The following SLF2 variants were observed in gnomAD, a reference collection of about 807,000 sequenced individuals.
SLF2 encodes SMC5-SMC6 complex localization factor protein 2.
A neutral mutation model predicts 124.3 loss-of-function variants in SLF2; 68 were observed. That is an observed-to-expected ratio of 0.55 (90% CI 0.45 to 0.67). SLF2 has a LOEUF of 0.67. Among genes scored for constraint, SLF2 ranks in the 30% least tolerant of loss-of-function variants. The pLI is 0.00. For missense variants in SLF2, 1,246 were observed against 1,373.7 expected, an observed-to-expected ratio of 0.91 and a Z score of 1.47; for synonymous variants, 480 against 478.8, an observed-to-expected ratio of 1.00 and a Z score of -0.03.
At chr10:100,945,241 A>C (rs1850080855) in intron 12 of SLF2, 89 bp from the exon 13 acceptor site, 1 of 1,100,686 alleles carries the variant, frequency 9.1e-7, no homozygotes, top group African/African-American at 1.7e-5. Flanking sequence ...TCTTTTTTGC[A>C]TCTTTTGTCA....
At chr10:100,942,635 C>T (rs532723882) in intron 11 of SLF2, among the ~76,000 whole-genome samples, 1 of 152,336 alleles carries the variant, frequency 6.6e-6, no homozygotes, top group South Asian at 2.1e-4. Context: ...TCTCCTGCCT[C>T]AGCCTCCCGA....
intron 7 of SLF2, 133 bp downstream of exon 7, chr10:100,929,572 T>G: frequency 2.4e-6 from 2 of 822,610 alleles, no homozygotes; most frequent in Non-Finnish European, 3.6e-6. Flanking sequence ...GTAATGGGTT[T>G]GAAAGGCAAA....
intron 9 of SLF2, among the ~76,000 whole-genome samples, chr10:100,935,092 T>C (rs1160950894): frequency 6.6e-6 from 1 of 152,086 alleles, no homozygotes; most frequent in Non-Finnish European, 1.5e-5. Context: ...CCCAAAAAAT[T>C]GTCTTGTAAA....
chr10:100,918,250 C>T, intron 3 of SLF2, 134 bp from the exon 4 acceptor site: 1 of 480,674 alleles, frequency 2.1e-6, no homozygotes, highest in Non-Finnish European at 3.7e-6. Context: ...TTATTATAGA[C>T]ATTAGGATTT....
chr10:100,932,692 AGT>A (rs111530755), intron 9 of SLF2, among the ~76,000 whole-genome samples: 9,024 of 133,414 alleles, frequency 0.068, 298 homozygotes, highest in Non-Finnish European at 0.076. Flanking sequence ...ACAAACAATA[AGT>A]GTGTGTGTGT....
chr10:100,930,956 A>C lies in SLF2; in HGVS notation c.2334-20A>C. The C allele has an allele frequency of 6.3e-7, 1 of 1,596,654 alleles. No individual in the cohort carries two copies. Among genetic ancestry groups the C allele is most frequent in the South Asian group, 1.1e-5 (1 of 90,520 alleles). On this transcript the variant is annotated intron_variant, in intron 8 of 19. Transcript: ENST00000238961. ...TGCCATGAAGTTAATAGCCATGTTG[A>C]TTTTACTTTATTTTTTCAGATCGGG... is the stretch of plus-strand genomic sequence containing the variant.
In SLF2 at chr10:100,962,880, T is replaced by A. The variant is rs1252805381; in HGVS notation, c.*968T>A. 6.6e-6 allele frequency: 1 copy of A among 152,462 alleles called. No individual in the cohort carries two copies. Among genetic ancestry groups the A allele is most frequent in the Non-Finnish European group, 1.5e-5 (1 of 68,012 alleles). 9.4% of individuals were successfully genotyped at this position (152,462 alleles called of 1,614,324 possible). ...GTGTGTGTGTGTGTGCGCTTGTATC[T>A]TGAAGTTGTTGCACTTCAAAACCAC... On this transcript the variant is annotated 3_prime_UTR_variant, in exon 20 of 20. Transcript: ENST00000238961.
At chr10:100,925,078 ACT>A in intron 5 of SLF2, 106 bp downstream of exon 5, 7 of 1,153,382 alleles carry the variant, frequency 6.1e-6, no homozygotes, top group Non-Finnish European at 8.4e-6. Flanking sequence ...ATTTATTATA[ACT>A]CATATTTGTA....
chr10:100,939,820 T>G (rs1358403265), intron 11 of SLF2, among the ~76,000 whole-genome samples: 1 of 151,888 alleles, frequency 6.6e-6, no homozygotes, highest in East Asian at 1.9e-4. Context: ...GTAAAGGAAA[T>G]AAAAGAGGAA....
intron 11 of SLF2, among the ~76,000 whole-genome samples, chr10:100,939,609 C>T (rs1397967076): frequency 1.3e-5 from 2 of 148,750 alleles, no homozygotes; most frequent in African/African-American, 5.0e-5. Flanking sequence ...ACCCGGGTGG[C>T]GGAGGTTACA....
chr10:100,945,043 TAAA>T, intron 12 of SLF2, among the ~76,000 whole-genome samples: 1 of 138,800 alleles, frequency 7.2e-6, no homozygotes, highest in South Asian at 2.3e-4. Flanking sequence ...AAAAAGAAGA[TAAA>T]AAAAAAAAGA....
chr10:100,916,182 G>A (rs867839992), intron 2 of SLF2, 140 bp downstream of exon 2: 34 of 613,656 alleles, frequency 5.5e-5, no homozygotes, highest in African/African-American at 5.0e-4. Context: ...GCAGTATTTT[G>A]TTTTACAAGG....
chr10:100,945,351 A>AGGCTTGG lies in SLF2; in HGVS notation c.2779_2780insGGCTTGG (p.Ile927ArgfsTer12). 6.3e-7 allele frequency: 1 copy of AGGCTTGG among 1,594,482 alleles called. No individual in the cohort carries two copies. On this transcript the variant is annotated frameshift_variant, in exon 13 of 20. Transcript: ENST00000238961. LOFTEE classifies it high-confidence loss of function. ...ACAGTTTCTAGGCTTGTGTACATCT[A>AGGCTTGG]TACATCCAGAAGGTTACCAGGATCG...
chr10:100,959,601 G>C (rs1268610185), intron 19 of SLF2, 105 bp downstream of exon 19: 3 of 1,389,972 alleles, frequency 2.2e-6, no homozygotes, highest in Non-Finnish European at 2.8e-6. Flanking sequence ...CTTGCTTCTA[G>C]TTATCTTAAG....
In SLF2 at chr10:100,961,987, A is replaced by AATAATCC; in HGVS notation, c.*75_*76insATAATCC. On this transcript the variant is annotated 3_prime_UTR_variant, in exon 20 of 20. Transcript: ENST00000238961. ...CTTTCATAGAGGAGTAGAAAGGATTATTACAGAATCCAATGAATGCCAAGA... is the reference window on the plus strand; with the variant it reads ...CTTTCATAGAGGAGTAGAAAGGATTAATAATCCTTACAGAATCCAATGAATGCCAAGA... 1 of 1,334,128 alleles carries AATAATCC rather than the reference A, an allele frequency of 7.5e-7. No homozygotes were observed. The highest frequency in any genetic ancestry group is 1.0e-6 in the Non-Finnish European group (1 of 956,906). 82.6% of individuals were successfully genotyped at this position (1,334,128 alleles called of 1,614,324 possible).
Position 100,947,090 on chromosome 10 carries a change from C to A in SLF2, c.2986C>A (p.Leu996Ile). The change falls in exon 14 of 20, where the codon CTC (leucine) becomes ATC (isoleucine). Residue 996 changes from leucine to isoleucine, a missense_variant. By Grantham distance (5) the Leu-to-Ile change is conservative. Transcript: ENST00000238961. The stretch of plus-strand genomic sequence containing the variant: ...TGAACTCTCCAGTCATCCCCACAAC[C>A]TCCTGTGGTTGGTACAGCTGGTCCC... ...INELSSHPHNLLWLVQLVPNW... is the reference protein window; with the variant it reads ...INELSSHPHNILWLVQLVPNW... The A allele has an allele frequency of 1.2e-6, 2 of 1,611,094 alleles. No homozygotes were observed. The highest frequency in any genetic ancestry group is 1.7e-6 in the Non-Finnish European group (2 of 1,178,898).
Position 100,938,606 on chromosome 10 carries a change from G to A in SLF2, c.2524G>A (p.Asp842Asn), listed in dbSNP as rs748600123. The A allele has an allele frequency of 7.5e-6, 12 of 1,609,418 alleles. No individual in the cohort carries two copies. The highest frequency in any genetic ancestry group is 1.0e-5 in the Non-Finnish European group (12 of 1,178,572). Residue 842 changes from aspartate to asparagine, a missense_variant, in exon 11 of 20, where the codon GAC becomes AAC. Around this residue, in one of 3 missense-constraint regions of SLF2, gnomAD observed 535 missense variants for 632.8 expected, o/e 0.85. Coordinates refer to ENST00000238961, the MANE Select transcript of SLF2 (RefSeq NM_018121.4). ...CTTCTGTTAATTAGATACCTTCAGT[G>A]ACTCACCAGTTTGGCCATGGATCCC... ...EITIRNDTFS[D>N]SPVWPWIPSL...
At chr10:100,943,326 C>T (rs1183803609) in intron 11 of SLF2, among the ~76,000 whole-genome samples, 1 of 151,966 alleles carries the variant, frequency 6.6e-6, no homozygotes, top group African/African-American at 2.4e-5. Flanking sequence ...ACATAAAATG[C>T]CAATGGAAGG....
rs533779875 is a variant in SLF2, at chr10:100,919,214, C to T, written c.973+773C>T. ...TTTTAGTGGAGACGGGGTTTCACCA[C>T]GTTAGCCAGGATGGTCTCGATCTCC... is the stretch of plus-strand genomic sequence containing the variant. On this transcript the variant is annotated intron_variant, in intron 4 of 19. Coordinates refer to ENST00000238961, the MANE Select transcript of SLF2 (RefSeq NM_018121.4). 2.2e-4 allele frequency among the ~76,000 whole-genome samples: 34 copies of T among 151,792 alleles called. No individual in the cohort carries two copies. In the South Asian group the frequency reaches 6.5e-3, roughly 29 times the overall value.
Sources: gnomAD v4.1 joint callset for allele counts (sites outside exome capture counted in the v4.1 genomes callset) on GRCh38, gnomAD v4.1.1 for gene constraint, gnomAD v4.1.1 regional missense constraint, MANE v1.5 for transcripts, NCBI Gene and HGNC (gene_info 2026-07-23, HGNC 2026-07-21) for gene names.